TNNT2: variants seen among roughly 807,000 people sequenced by gnomAD.
The protein encoded by TNNT2 is troponin T2, cardiac type, also known as troponin T, cardiac muscle.
A neutral mutation model predicts 62.4 loss-of-function variants in TNNT2; 34 were observed. The observed-to-expected ratio is 0.54, with a 90% CI of 0.41 to 0.72. The LOEUF is 0.72. TNNT2 is among the 30% of genes least tolerant of loss of function. The pLI, the probability that TNNT2 is intolerant of heterozygous loss-of-function variation, is 0.00. For missense variants in TNNT2, 275 were observed against 381.9 expected (o/e 0.72, Z 2.33); for synonymous variants, 123 against 127.2 (o/e 0.97, Z 0.22).
intron 10 of TNNT2, 115 bp downstream of exon 10, chr1:201,365,076 C>G: frequency 1.2e-6 from 1 of 866,778 alleles, no homozygotes. Context: ...GACCTCACAC[C>G]TAGCTGGGTT....
chr1:201,371,553 C>T (rs917982162), intron 4 of TNNT2, among the ~76,000 whole-genome samples: 4 of 152,024 alleles, frequency 2.6e-5, no homozygotes, highest in Non-Finnish European at 4.4e-5. Flanking sequence ...TACGGTGTAG[C>T]GAAATCTTGA....
At chr1:201,369,703 G>A (rs956277077) in intron 5 of TNNT2, 113 bp downstream of exon 5, 118 of 1,325,460 alleles carry the variant, frequency 8.9e-5, no homozygotes, top group Middle Eastern at 1.8e-4. Context: ...GACCCACTCC[G>A]TCCCTGCCGC....
At position 201,359,126 on chromosome 1, in the gene TNNT2, C is replaced by A; in HGVS notation, c.*84G>T. 1 of 1,546,978 alleles carries A rather than the reference C, an allele frequency of 6.5e-7. No individual in the cohort carries two copies. Among genetic ancestry groups the A allele is most frequent in the Non-Finnish European group, 8.8e-7 (1 of 1,139,402 alleles). On this transcript the variant is annotated 3_prime_UTR_variant, in exon 17 of 17. Transcript: ENST00000656932. ...TTCCAAACAGGAGCTGCCTGGGGTG[C>A]CCAGGAGGGCCCGGGAACTGGGGGA... is the stretch of plus-strand genomic sequence containing the variant.
At position 201,364,270 on chromosome 1, in the gene TNNT2, C is replaced by T. The variant is rs1024231102; in HGVS notation, c.489+28G>A. 1.9e-6 allele frequency: 3 copies of T among 1,606,678 alleles called. No individual in the cohort carries two copies. The African/African-American group carries it at 4.0e-5, about 21-fold the overall frequency. On this transcript the variant is annotated intron_variant, in intron 11 of 16. Coordinates refer to ENST00000656932, the MANE Select transcript of TNNT2 (RefSeq NM_001276345.2). ...CAGGAGCTGGGAGCATGGGGGGCCT[C>T]CATGGGCCTGGGCTAGGGGTCACTC...
rs3020555 is a variant in TNNT2, at chr1:201,361,342, G to A, written c.747C>T (p.Ser249=). 3 of 1,614,196 alleles carry A rather than the reference G, an allele frequency of 1.9e-6. No individual in the cohort carries two copies. Among genetic ancestry groups the A allele is most frequent in the Non-Finnish European group, 2.5e-6 (3 of 1,180,024 alleles). Residue 249 remains serine (S), a synonymous_variant, in exon 15 of 17, where the codon AGC becomes AGT. Transcript: ENST00000656932. ...ACTTCTCTGCCTCCAAGTTATAGAT[G>A]CTCTGCCACAGCTCCTTGGCCTTCT... ...LREKAKELWQ[S]IYNLEAEKFD...
chr1:201,359,335 T>G (rs1447981886), intron 16 of TNNT2, 80 bp from the exon 17 acceptor site: 13 of 1,545,122 alleles, frequency 8.4e-6, no homozygotes, highest in African/African-American at 1.4e-5. Context: ...AGGACTGGGG[T>G]GCCAAAGGGG....
intron 6 of TNNT2, 69 bp downstream of exon 6, chr1:201,368,093 T>A: frequency 6.6e-7 from 1 of 1,513,520 alleles, no homozygotes; most frequent in Non-Finnish European, 9.2e-7. Context: ...GGTTTCTTAC[T>A]GCCTCAGGAA....
chr1:201,373,592 C>T (rs989512736), intron 1 of TNNT2: 1 of 409,276 alleles, frequency 2.4e-6, no homozygotes, highest in Non-Finnish European at 4.6e-6. Context: ...ACTCTGCCCA[C>T]CCCCACTCCA....
At chr1:201,367,483 C>T (rs1320037629) in intron 7 of TNNT2, 4 of 572,680 alleles carry the variant, frequency 7.0e-6, no homozygotes, top group Non-Finnish European at 1.2e-5. Context: ...CTAGGAGCTT[C>T]ATGTGTGGAT....
chr1:201,366,566 T>C, intron 8 of TNNT2: 1 of 1,349,052 alleles, frequency 7.4e-7, no homozygotes, highest in Non-Finnish European at 9.6e-7. Context: ...GAGAGGAGAG[T>C]GTCCGTTCAG....
Position 201,361,382 on chromosome 1 carries a change from G to GGGTGAGAATGGGGAGGTCC in TNNT2, c.720-32_720-14dup, listed in dbSNP as rs759112916. 7 of 1,612,038 alleles carry GGGTGAGAATGGGGAGGTCC rather than the reference G, an allele frequency of 4.3e-6. No individual in the cohort carries two copies. The highest frequency in any genetic ancestry group is 5.9e-6 in the Non-Finnish European group (7 of 1,178,264). On this transcript the variant is annotated splice_polypyrimidine_tract_variant and intron_variant, in intron 14 of 16. Coordinates refer to ENST00000656932, the MANE Select transcript of TNNT2 (RefSeq NM_001276345.2). Reference sequence around the variant, plus strand: ...CTTGGCCTTCTCCCTGCACGGGCAAGGGTGAGAATGGGGAGGTCCAGTAAG... The same window carrying GGGTGAGAATGGGGAGGTCC: ...CTTGGCCTTCTCCCTGCACGGGCAAGGGTGAGAATGGGGAGGTCCGGTGAGAATGGGGAGGTCCAGTAAG...
chr1:201,368,112 G>A, intron 6 of TNNT2, 50 bp downstream of exon 6: 1 of 1,590,746 alleles, frequency 6.3e-7, no homozygotes, highest in African/African-American at 1.3e-5. Flanking sequence ...AATGGCTCCA[G>A]GGGCTCTCGC....
intron 12 of TNNT2, 115 bp downstream of exon 12, chr1:201,363,181 A>T: frequency 6.3e-7 from 1 of 1,598,530 alleles, no homozygotes; most frequent in Non-Finnish European, 8.5e-7. Context: ...TTCCACCCAC[A>T]GCAGCTGGGA....
intron 8 of TNNT2, 123 bp downstream of exon 8, chr1:201,366,715 T>C (rs1659723603): frequency 6.2e-7 from 1 of 1,602,024 alleles, no homozygotes; most frequent in South Asian, 1.1e-5. Flanking sequence ...AACTGTACTG[T>C]GGTGCTCTGT....
At chr1:201,362,169 C>T in intron 13 of TNNT2, 147 bp from the exon 14 acceptor site, 1 of 1,170,544 alleles carries the variant, frequency 8.5e-7, no homozygotes, top group Non-Finnish European at 1.3e-6. Context: ...CAACTACCAA[C>T]TACATGTATT....
intron 9 of TNNT2, 91 bp downstream of exon 9, chr1:201,365,519 T>C: frequency 2.1e-6 from 3 of 1,446,922 alleles, no homozygotes; most frequent in Admixed American, 3.5e-5. Flanking sequence ...ACCTATGCTC[T>C]ACCCCAGCCC....
intron 1 of TNNT2, among the ~76,000 whole-genome samples, 160 bp downstream of exon 1, chr1:201,377,463 C>A (rs1484941509): frequency 1.3e-5 from 2 of 152,138 alleles, no homozygotes; most frequent in East Asian, 1.9e-4. Flanking sequence ...GGAGCCCAGA[C>A]CTGGCAACCT....
chr1:201,363,949 A>G (rs1320618973), intron 11 of TNNT2: 2 of 311,532 alleles, frequency 6.4e-6, no homozygotes, highest in African/African-American at 2.3e-5. Flanking sequence ...GTGCAATGGC[A>G]TGACCTCGGC....
chr1:201,366,901 G>A (rs1659759263), intron 7 of TNNT2, 30 bp from the exon 8 acceptor site: 1 of 1,614,098 alleles, frequency 6.2e-7, no homozygotes, highest in Non-Finnish European at 8.5e-7. Context: ...ACAGCCATGG[G>A]TCAGGGGGCC....
Sources: gnomAD v4.1 joint callset for allele counts (sites outside exome capture counted in the v4.1 genomes callset) on GRCh38, gnomAD v4.1.1 for gene constraint, MANE v1.5 for transcripts, NCBI Gene and HGNC (gene_info 2026-07-23, HGNC 2026-07-21) for gene names.